OR51D1: variants seen among roughly 807,000 people sequenced by gnomAD.
The protein encoded by OR51D1 is olfactory receptor 51D1.
For synonymous variants in OR51D1, 187 were observed against 161.1 expected (o/e 1.16, Z -1.22); for missense variants, 452 against 396.2 (o/e 1.14, Z -1.20).
chr11:4,640,405 C>G lies in OR51D1; in HGVS notation c.615C>G (p.Thr205=). 1 of 1,614,228 alleles carries G rather than the reference C, an allele frequency of 6.2e-7. No homozygotes were observed. The highest frequency in any genetic ancestry group is 8.5e-7 in the Non-Finnish European group (1 of 1,180,042). Reference sequence around the variant, plus strand: ...TTATGAAGCTGTCCTGTACTGACACCAGGGTCAATGTGGTTTATGGACTCT... The same window carrying G: ...TTATGAAGCTGTCCTGTACTGACACGAGGGTCAATGTGGTTTATGGACTCT... ...QDIMKLSCTD[T]RVNVVYGLFI... Residue 205 remains threonine, a synonymous_variant, in exon 2 of 2, where the codon ACC becomes ACG. Coordinates refer to ENST00000641817, the MANE Select transcript of OR51D1 (RefSeq NM_001004751.3).
chr11:4,640,894 T>A lies in OR51D1; in HGVS notation c.*129T>A. 1 of 830,542 alleles carries A rather than the reference T, an allele frequency of 1.2e-6. No individual in the cohort carries two copies. The highest frequency in any genetic ancestry group is 1.9e-6 in the Non-Finnish European group (1 of 539,240). The allele number at this position is 830,542 out of a possible 1,614,324, so 51.4% of individuals were successfully genotyped here. A position where few individuals can be genotyped will look rare whatever the true frequency, so the allele number is the denominator to read the frequency against. On this transcript the variant is annotated 3_prime_UTR_variant, in exon 2 of 2. Transcript: ENST00000641817. Reference sequence around the variant, plus strand: ...CTTCCAGCAATTTAAGTAGATCATGTATTCTGTCTCCAGGAATGTGTCAGT... The same window carrying A: ...CTTCCAGCAATTTAAGTAGATCATGAATTCTGTCTCCAGGAATGTGTCAGT...
At chr11:4,639,656 C>T (rs1195036519) in intron 1 of OR51D1, 121 bp from the exon 2 acceptor site, 3 of 885,818 alleles carry the variant, frequency 3.4e-6, no homozygotes, top group Non-Finnish European at 5.3e-6. Context: ...TTCAGAATTA[C>T]CAGGATGACT....
Position 4,642,809 on chromosome 11 carries a change from C to G in OR51D1, c.*2044C>G, listed in dbSNP as rs1484129197. On this transcript the variant is annotated 3_prime_UTR_variant, in exon 2 of 2. Transcript: ENST00000641817. ...AAGTCCCTTTGGTATTTTTTAAAGT[C>G]TTTGCCATGTCTAAGTTAATGAGGT... The G allele has an allele frequency of 6.6e-6, 1 of 152,202 alleles. No individual in the cohort carries two copies. The highest frequency in any genetic ancestry group is 1.5e-5 in the Non-Finnish European group (1 of 68,050). The allele number at this position is 152,202 out of a possible 1,614,324, so 9.4% of individuals were successfully genotyped here. A position where few individuals can be genotyped will look rare whatever the true frequency, so the allele number is the denominator to read the frequency against.
In OR51D1 at chr11:4,642,018, A is replaced by T. The variant is rs1174266216; in HGVS notation, c.*1253A>T. On this transcript the variant is annotated 3_prime_UTR_variant, in exon 2 of 2. Coordinates refer to ENST00000641817, the MANE Select transcript of OR51D1 (RefSeq NM_001004751.3). ...GGTGTCTGTATGTATCTTGGAATGGAGGAGGGAGATTGAAGAAGTCTGGCT... is the reference window on the plus strand; with the variant it reads ...GGTGTCTGTATGTATCTTGGAATGGTGGAGGGAGATTGAAGAAGTCTGGCT... 6.6e-6 allele frequency: 1 copy of T among 152,518 alleles called. No homozygotes were observed. Among genetic ancestry groups the T allele is most frequent in the African/African-American group, 2.4e-5 (1 of 41,392 alleles). The allele number at this position is 152,518 out of a possible 1,614,324, so 9.4% of individuals were successfully genotyped here.
Position 4,640,729 on chromosome 11 carries a change from A to C in OR51D1, c.939A>C (p.Ser313=). Residue 313 remains serine (S), a synonymous_variant, in exon 2 of 2, where the codon TCA becomes TCC. Transcript: ENST00000641817. ...VYGAKTKEIC[S]RVLCMFSQGG... is the part of the protein sequence containing the mutation. Reference sequence around the variant, plus strand: ...GAGCCAAGACCAAAGAGATCTGTTCAAGGGTCCTCTGTATGTTCTCACAAG... The same window carrying C: ...GAGCCAAGACCAAAGAGATCTGTTCCAGGGTCCTCTGTATGTTCTCACAAG... 1 of 1,613,478 alleles carries C rather than the reference A, an allele frequency of 6.2e-7. No individual in the cohort carries two copies. The highest frequency in any genetic ancestry group is 8.5e-7 in the Non-Finnish European group (1 of 1,179,766).
Position 4,639,894 on chromosome 11 carries a change from C to G in OR51D1, c.104C>G (p.Thr35Ser), listed in dbSNP as rs1021834381. ...LLVGIPGLGP[T>S]IHFWLAFPLC... is the part of the protein sequence containing the mutation. ...GTGGGTATCCCTGGCCTGGGGCCTA[C>G]CATACACTTTTGGCTGGCTTTCCCA... is the stretch of plus-strand genomic sequence containing the variant. The change falls in exon 2 of 2, where the codon ACC becomes AGC. Residue 35 changes from threonine to serine, a missense_variant. Thr to Ser is a moderately conservative substitution (Grantham distance 58). Coordinates refer to ENST00000641817, the MANE Select transcript of OR51D1 (RefSeq NM_001004751.3). 11 of 1,614,118 alleles carry G rather than the reference C, an allele frequency of 6.8e-6. No individual in the cohort carries two copies. The highest frequency in any genetic ancestry group is 1.3e-5 in the African/African-American group (1 of 74,946).
chr11:4,642,996 C>A lies in OR51D1; in HGVS notation c.*2231C>A, dbSNP rs899782249. ...TTAACATAGCTTGATTTAGCGTGTC[C>A]TGTGTTCTGAATTTAAAACTCACAG... is the stretch of plus-strand genomic sequence containing the variant. On this transcript the variant is annotated 3_prime_UTR_variant, in exon 2 of 2. Coordinates refer to ENST00000641817, the MANE Select transcript of OR51D1 (RefSeq NM_001004751.3). 6.6e-6 allele frequency: 1 copy of A among 152,144 alleles called. No homozygotes were observed. Among genetic ancestry groups the A allele is most frequent in the African/African-American group, 2.4e-5 (1 of 41,426 alleles). 9.4% of individuals were successfully genotyped at this position (152,144 alleles called of 1,614,324 possible). A position where few individuals can be genotyped will look rare whatever the true frequency, so the allele number is the denominator to read the frequency against.
rs1554919182 is a variant in OR51D1, at chr11:4,642,560, A to AC, written c.*1795_*1796insC. ...TGACAGAGCAAGACTCTGTGTCAAA[A>AC]AAAAAAAAAAAAAAAAAGCCTTGGT... is the stretch of plus-strand genomic sequence containing the variant. On this transcript the variant is annotated 3_prime_UTR_variant, in exon 2 of 2. Transcript: ENST00000641817. 1 of 151,020 alleles carries AC rather than the reference A, an allele frequency of 6.6e-6. No homozygotes were observed. The highest frequency in any genetic ancestry group is 2.4e-5 in the African/African-American group (1 of 41,086). The allele number at this position is 151,020 out of a possible 1,614,324, so 9.4% of individuals were successfully genotyped here.
intron 1 of OR51D1, 107 bp from the exon 2 acceptor site, chr11:4,639,670 T>C (rs1373333893): frequency 1.0e-6 from 1 of 992,032 alleles, no homozygotes; most frequent in Non-Finnish European, 1.5e-6. Flanking sequence ...GATGACTTAG[T>C]CCTGTTTGTT....
rs1846959091 is a variant in OR51D1, at chr11:4,640,764, G to A, written c.974G>A (p.Ter325=). The change falls in exon 2 of 2, where the codon TGA becomes TAA. Residue 325 remains the stop codon, a stop_retained_variant. Coordinates refer to ENST00000641817, the MANE Select transcript of OR51D1 (RefSeq NM_001004751.3). ...VLCMFSQGGK[*] is the part of the protein sequence containing the mutation. ...TGTATGTTCTCACAAGGTGGCAAGTGAGACACCTTAGTGTCTCGCTTCTAC... is the reference window on the plus strand; with the variant it reads ...TGTATGTTCTCACAAGGTGGCAAGTAAGACACCTTAGTGTCTCGCTTCTAC... The A allele has an allele frequency of 2.5e-6, 4 of 1,607,140 alleles. No individual in the cohort carries two copies. The highest frequency in any genetic ancestry group is 2.7e-5 in the African/African-American group (2 of 74,852).
Position 4,639,868 on chromosome 11 carries a change from G to T in OR51D1, c.78G>T (p.Leu26Phe), listed in dbSNP as rs369222416. The stretch of plus-strand genomic sequence containing the variant: ...TGGTCCACGCAGCATACTTCCTTTT[G>T]GTGGGTATCCCTGGCCTGGGGCCTA... Reference protein sequence around the residue: ...GNLVHAAYFLLVGIPGLGPTI... With the variant: ...GNLVHAAYFLFVGIPGLGPTI... Residue 26 changes from leucine to phenylalanine, a missense_variant, in exon 2 of 2, where the codon TTG becomes TTT. Transcript: ENST00000641817. 1 of 1,614,194 alleles carries T rather than the reference G, an allele frequency of 6.2e-7. No homozygotes were observed. The highest frequency in any genetic ancestry group is 8.5e-7 in the Non-Finnish European group (1 of 1,180,030).
rs772326067 is a variant in OR51D1, at chr11:4,640,262, G to T, written c.472G>T (p.Gly158Ter). ...GACAGGGTGTACTGTGGCCAAGATTGGACTATCTGCCCTGACCAGGGGGTT... is the reference window on the plus strand; with the variant it reads ...GACAGGGTGTACTGTGGCCAAGATTTGACTATCTGCCCTGACCAGGGGGTT... ...VLTGCTVAKI[G>*]LSALTRGFVF... The change falls in exon 2 of 2, where the codon GGA (glycine) becomes TGA (stop). Residue 158 changes from glycine (G) to a stop codon, truncating the protein, a stop_gained. Transcript: ENST00000641817. LOFTEE classifies it low-confidence loss of function (END_TRUNC). 1.3e-5 allele frequency: 21 copies of T among 1,614,066 alleles called. No homozygotes were observed. Among genetic ancestry groups the T allele is most frequent in the Non-Finnish European group, 1.7e-5 (20 of 1,180,046 alleles).
Position 4,641,478 on chromosome 11 carries a change from G to T in OR51D1, c.*713G>T. 6.6e-6 allele frequency: 1 copy of T among 152,578 alleles called. No homozygotes were observed. 9.5% of individuals were successfully genotyped at this position (152,578 alleles called of 1,614,324 possible). On this transcript the variant is annotated 3_prime_UTR_variant, in exon 2 of 2. Transcript: ENST00000641817. ...ATACGTACTGGTTGTGTCCTGGTGAGTGTGGTAGCTATGTCCTGGCACATG... is the reference window on the plus strand; with the variant it reads ...ATACGTACTGGTTGTGTCCTGGTGATTGTGGTAGCTATGTCCTGGCACATG...
In OR51D1 at chr11:4,642,429, G is replaced by C. The variant is rs111545287; in HGVS notation, c.*1664G>C. 7 of 152,170 alleles carry C rather than the reference G, an allele frequency of 4.6e-5. No individual in the cohort carries two copies. Among genetic ancestry groups the C allele is most frequent in the African/African-American group, 1.4e-4 (6 of 41,496 alleles). The allele number at this position is 152,170 out of a possible 1,614,324, so 9.4% of individuals were successfully genotyped here. ...AACAATTAGCCGGGTGTGATGGCGC[G>C]TGCCTGTAGTCCCAGCTAGTTGGGA... On this transcript the variant is annotated 3_prime_UTR_variant, in exon 2 of 2. Coordinates refer to ENST00000641817, the MANE Select transcript of OR51D1 (RefSeq NM_001004751.3).
Position 4,640,592 on chromosome 11 carries a change from C to T in OR51D1, c.802C>T (p.Leu268Phe), listed in dbSNP as rs572208965. The T allele has an allele frequency of 6.2e-7, 1 of 1,613,584 alleles. No homozygotes were observed. The highest frequency in any genetic ancestry group is 1.3e-5 in the African/African-American group (1 of 74,968). The part of the protein sequence containing the change: ...LCAVLVFYVP[L>F]IGLSVVHRLG... ...TGCTGTTCTGGTCTTCTATGTACCC[C>T]TCATTGGGCTCTCGGTGGTGCATAG... The change falls in exon 2 of 2, where the codon CTC (leucine) becomes TTC (phenylalanine). Residue 268 changes from leucine to phenylalanine, a missense_variant. Physicochemically the swap from Leu to Phe is conservative, Grantham distance 22. Transcript: ENST00000641817.
rs775318798 is a variant in OR51D1, at chr11:4,639,998, G to A, written c.208G>A (p.Glu70Lys). The A allele has an allele frequency of 8.7e-6, 14 of 1,614,180 alleles. No homozygotes were observed. Among genetic ancestry groups the A allele is most frequent in the Non-Finnish European group, 4.2e-6 (5 of 1,180,028 alleles). The change falls in exon 2 of 2, where the codon GAG becomes AAG. Residue 70 changes from glutamate (E) to lysine (K), a missense_variant. Coordinates refer to ENST00000641817, the MANE Select transcript of OR51D1 (RefSeq NM_001004751.3). ...LIIRVERRLH[E>K]PMYLFLAMLS... ...CATTCGTGTGGAGAGGCGACTGCAT[G>A]AGCCCATGTACCTCTTCCTGGCCAT...
chr11:4,639,230 A>G (rs935461725), intron 1 of OR51D1, among the ~76,000 whole-genome samples: 7 of 152,250 alleles, frequency 4.6e-5, no homozygotes, highest in African/African-American at 1.7e-4. Flanking sequence ...AATGGTATTC[A>G]GGCCTAAACA....
intron 1 of OR51D1, among the ~76,000 whole-genome samples, chr11:4,639,110 A>C (rs146899543): frequency 1.3e-5 from 2 of 152,180 alleles, no homozygotes; most frequent in Non-Finnish European, 2.9e-5. Flanking sequence ...GTTTTTTAAA[A>C]AGATTTCCAA....
At position 4,641,757 on chromosome 11, in the gene OR51D1, G is replaced by A. The variant is rs77188528; in HGVS notation, c.*992G>A. Reference sequence around the variant, plus strand: ...CCTGTATCTTTCAGCGTGTTTGGGTGTATGTCCACTGTGCATAATATTTGA... The same window carrying A: ...CCTGTATCTTTCAGCGTGTTTGGGTATATGTCCACTGTGCATAATATTTGA... On this transcript the variant is annotated 3_prime_UTR_variant, in exon 2 of 2. Coordinates refer to ENST00000641817, the MANE Select transcript of OR51D1 (RefSeq NM_001004751.3). 9,076 of 152,682 alleles carry A rather than the reference G, an allele frequency of 0.059. 375 individuals carry two copies. Among genetic ancestry groups the A allele is most frequent in the Non-Finnish European group, 0.089 (6,030 of 68,038 alleles). 9.5% of individuals were successfully genotyped at this position (152,682 alleles called of 1,614,324 possible). A position where few individuals can be genotyped will look rare whatever the true frequency, so the allele number is the denominator to read the frequency against.
Sources: gnomAD v4.1 joint callset for allele counts (sites outside exome capture counted in the v4.1 genomes callset) on GRCh38, gnomAD v4.1.1 for gene constraint, MANE v1.5 for transcripts, NCBI Gene and HGNC (gene_info 2026-07-23, HGNC 2026-07-21) for gene names.